The following FSTL5 variants were observed in gnomAD, a reference collection of about 807,000 sequenced individuals.
The protein encoded by FSTL5 is follistatin-related protein 5.
Under a neutral mutation model 89.1 loss-of-function variants are expected in FSTL5, and 62 were observed. That is an observed-to-expected ratio of 0.70 (90% CI 0.57 to 0.86). FSTL5 has a LOEUF of 0.86. FSTL5 is among the 40% of genes least tolerant of loss of function. The pLI, the probability that FSTL5 is intolerant of heterozygous loss-of-function variation, is 0.00. For synonymous variants in FSTL5, 383 were observed against 346.2 expected (o/e 1.11, Z -1.18); for missense variants, 1,057 against 1,001.6 (o/e 1.06, Z -0.75).
intron 7 of FSTL5, among the ~76,000 whole-genome samples, chr4:161,655,673 C>A (rs557676085): frequency 6.6e-6 from 1 of 152,086 alleles, no homozygotes; most frequent in African/African-American, 2.4e-5. Context: ...CTATCCTTAT[C>A]CTTAGAACCA....
intron 6 of FSTL5, among the ~76,000 whole-genome samples, chr4:161,719,566 G>T (rs1374086758): frequency 6.6e-6 from 1 of 152,040 alleles, no homozygotes; most frequent in Non-Finnish European, 1.5e-5. Context: ...AGATCACTTT[G>T]GGTAGCATGG....
intron 3 of FSTL5, among the ~76,000 whole-genome samples, chr4:161,977,650 A>ATAATAATAC: frequency 7.1e-6 from 1 of 141,224 alleles, no homozygotes; most frequent in South Asian, 2.2e-4. Flanking sequence ...AATAATAATA[A>ATAATAATAC]TAATAATAAT....
chr4:161,831,397 C>G (rs889845235), intron 4 of FSTL5, among the ~76,000 whole-genome samples: 1 of 151,740 alleles, frequency 6.6e-6, no homozygotes, highest in Non-Finnish European at 1.5e-5. Context: ...ATTTGCCTGG[C>G]TATTAAATTG....
chr4:161,826,278 C>T (rs1424450983), intron 4 of FSTL5, among the ~76,000 whole-genome samples: 1 of 151,942 alleles, frequency 6.6e-6, no homozygotes, highest in African/African-American at 2.4e-5. Context: ...TTTTTTGAGG[C>T]TTATTTTGTG....
chr4:161,409,689 T>C (rs569614142), intron 15 of FSTL5, among the ~76,000 whole-genome samples: 29 of 152,232 alleles, frequency 1.9e-4, no homozygotes, highest in African/African-American at 6.7e-4. Flanking sequence ...CAGGAATATG[T>C]TTTAACTAGA....
At chr4:161,900,507 C>T (rs1733321271) in intron 4 of FSTL5, among the ~76,000 whole-genome samples, 4 of 151,466 alleles carry the variant, frequency 2.6e-5, no homozygotes, top group South Asian at 2.1e-4. Context: ...GGCATGGTGG[C>T]AGGCACCTGT....
At chr4:161,865,214 C>A (rs147864010) in intron 4 of FSTL5, among the ~76,000 whole-genome samples, 2 of 151,916 alleles carry the variant, frequency 1.3e-5, no homozygotes, top group African/African-American at 4.8e-5. Flanking sequence ...ACCACAAAAT[C>A]GCAGAAAACA....
chr4:161,551,875 T>C lies in FSTL5; in HGVS notation c.1016-9182A>G, dbSNP rs975481087. 3.9e-5 allele frequency among the ~76,000 whole-genome samples: 6 copies of C among 152,006 alleles called. No homozygotes were observed. The East Asian group carries it at 1.2e-3, about 30-fold the overall frequency. Reference sequence around the variant, plus strand: ...GACTTAAACGTTAGACCTAAAACCATAAAAACCCTAGAAGAAAACCTAGGC... The same window carrying C: ...GACTTAAACGTTAGACCTAAAACCACAAAAACCCTAGAAGAAAACCTAGGC... On this transcript the variant is annotated intron_variant, in intron 8 of 15. Coordinates refer to ENST00000306100, the MANE Select transcript of FSTL5 (RefSeq NM_020116.5).
intron 4 of FSTL5, among the ~76,000 whole-genome samples, chr4:161,780,069 T>A (rs2126808963): frequency 6.7e-6 from 1 of 149,036 alleles, no homozygotes; most frequent in Admixed American, 6.7e-5. Flanking sequence ...AGTCCTTCAA[T>A]TGGAGGTAAT....
In FSTL5 at chr4:161,577,473, C is replaced by CAAA. The variant is rs544029134; in HGVS notation, c.1015+9979_1015+9981dup. ...CCCTGAAAGAAGAGAAGAAAAAAGA[C>CAAA]AAAAAAAAAAAAAAAAAAGGAAACA... On this transcript the variant is annotated intron_variant, in intron 8 of 15. Coordinates refer to ENST00000306100, the MANE Select transcript of FSTL5 (RefSeq NM_020116.5). 5.0e-3 allele frequency among the ~76,000 whole-genome samples: 546 copies of CAAA among 110,166 alleles called. 7 individuals carry two copies. The highest frequency in any genetic ancestry group is 0.011 in the South Asian group (35 of 3,130). The allele number at this position is 110,166 out of a possible 152,430, so 72.3% of individuals were successfully genotyped here.
chr4:162,012,885 T>C (rs1736807843), intron 3 of FSTL5, among the ~76,000 whole-genome samples: 1 of 152,098 alleles, frequency 6.6e-6, no homozygotes, highest in African/African-American at 2.4e-5. Flanking sequence ...AATTTACTTA[T>C]TAAAATACAA....
chr4:162,028,004 T>C (rs943321244), intron 3 of FSTL5, among the ~76,000 whole-genome samples: 15 of 152,170 alleles, frequency 9.9e-5, no homozygotes, highest in African/African-American at 3.4e-4. Flanking sequence ...TTACAACACT[T>C]AATTATTTTT....
chr4:161,665,480 G>A (rs1459831696), intron 6 of FSTL5, among the ~76,000 whole-genome samples: 10 of 152,072 alleles, frequency 6.6e-5, no homozygotes, highest in African/African-American at 1.7e-4. Context: ...TGATCTCCCC[G>A]CCTCGGCCTC....
intron 10 of FSTL5, among the ~76,000 whole-genome samples, chr4:161,527,439 A>G (rs1449586783): frequency 6.6e-6 from 1 of 152,184 alleles, no homozygotes; most frequent in Non-Finnish European, 1.5e-5. Flanking sequence ...AACTCAAACA[A>G]ATTTACAAGA....
chr4:161,737,570 C>T (rs1263603824), intron 6 of FSTL5, among the ~76,000 whole-genome samples: 3 of 151,944 alleles, frequency 2.0e-5, no homozygotes, highest in African/African-American at 7.3e-5. Flanking sequence ...CCATTTCTCA[C>T]CAGTTGAGCA....
At chr4:161,658,780 T>C (rs1736608136) in intron 6 of FSTL5, among the ~76,000 whole-genome samples, 1 of 152,184 alleles carries the variant, frequency 6.6e-6, no homozygotes, top group South Asian at 2.1e-4. Flanking sequence ...CACGTAAGAA[T>C]TATTAATAAT....
chr4:161,822,702 CG>C (rs551754790), intron 4 of FSTL5, among the ~76,000 whole-genome samples: 1 of 152,042 alleles, frequency 6.6e-6, no homozygotes, highest in Non-Finnish European at 1.5e-5. Flanking sequence ...GTATGGTGAG[CG>C]GGGGGGCATG....
chr4:161,923,812 G>A (rs577265432), intron 3 of FSTL5, among the ~76,000 whole-genome samples: 4 of 151,722 alleles, frequency 2.6e-5, no homozygotes, highest in African/African-American at 9.6e-5. Context: ...CACTAGTTCA[G>A]AGATTTATAT....
At chr4:161,595,040 T>G (rs1022867251) in intron 7 of FSTL5, among the ~76,000 whole-genome samples, 5 of 148,094 alleles carry the variant, frequency 3.4e-5, no homozygotes, top group Middle Eastern at 3.2e-3. Context: ...GACTGCAGAA[T>G]TTAGCTGTTC....
Sources: allele counts gnomAD v4.1 joint callset (sites outside exome capture counted in the v4.1 genomes callset), GRCh38; gene constraint gnomAD v4.1.1; transcripts MANE v1.5; gene names NCBI Gene and HGNC (gene_info 2026-07-23, HGNC 2026-07-21).